Variants in ERAP1 observed in about 807,000 individuals in gnomAD.
ERAP1 encodes the protein adipocyte-derived leucine aminopeptidase.
In ERAP1, 86 loss-of-function variants were observed where a neutral mutation model predicts 103.7. The ratio of observed to expected loss-of-function variants is 0.83; its 90% CI spans 0.70 to 0.99. The LOEUF (loss-of-function observed/expected upper bound fraction) is 0.99, where lower values mean the gene tolerates loss of function less well. Among genes scored for constraint, ERAP1 ranks in the 50% least tolerant of loss-of-function variants. The probability of loss-of-function intolerance (pLI) is 0.00; values close to 1 mark genes in which losing one functional copy is unlikely to be tolerated. For missense variants in ERAP1, 1,009 were observed against 1,128.4 expected (o/e 0.89, Z 1.52); for synonymous variants, 398 against 402.4 (o/e 0.99, Z 0.13).
At chr5:96,849,888 A>G in the ERAP1 span, among the ~76,000 whole-genome samples, 2 of 152,304 alleles carry the variant, frequency 1.3e-5, no homozygotes, top group South Asian at 2.1e-4. Context: ...TCAAAACAGC[A>G]TGGTACTGGC....
intron 8 of ERAP1, among the ~76,000 whole-genome samples, chr5:96,790,893 C>T (rs749111768): frequency 6.6e-6 from 1 of 152,162 alleles, no homozygotes; most frequent in African/African-American, 2.4e-5. Flanking sequence ...CCAGACCTCC[C>T]GATGGGGCAA....
At chr5:96,875,369 T>C in the ERAP1 span, among the ~76,000 whole-genome samples, 1 of 147,220 alleles carries the variant, frequency 6.8e-6, no homozygotes, top group Non-Finnish European at 1.5e-5. Context: ...ACCTCATCTA[T>C]AAAAAAAAAA....
chr5:96,881,327 T>C, the ERAP1 span: 14 of 439,206 alleles, frequency 3.2e-5, no homozygotes, highest in Non-Finnish European at 6.4e-5. Flanking sequence ...GCAGTGCTTA[T>C]GGAGTGAAAC....
chr5:96,891,565 T>TATATGGTACACACAC, the ERAP1 span, among the ~76,000 whole-genome samples: 2 of 141,964 alleles, frequency 1.4e-5, no homozygotes, highest in Non-Finnish European at 3.1e-5. Context: ...CACACACACA[T>TATATGGTACACACAC]ATATGGTACA....
At chr5:96,807,361 G>GTTAACCCATA (rs1778747704) in intron 1 of ERAP1, among the ~76,000 whole-genome samples, 1 of 152,182 alleles carries the variant, frequency 6.6e-6, no homozygotes, top group East Asian at 1.9e-4. Context: ...AAAGCCTCTG[G>GTTAACCCATA]GTTTCTCTAG....
chr5:96,842,861 T>C, the ERAP1 span, among the ~76,000 whole-genome samples: 1 of 152,236 alleles, frequency 6.6e-6, no homozygotes, highest in Non-Finnish European at 1.5e-5. Flanking sequence ...CCTAAGCCAA[T>C]GTCTAGAAGG....
At chr5:96,879,785 A>G in the ERAP1 span, 1 of 1,614,178 alleles carries the variant, frequency 6.2e-7, no homozygotes, top group South Asian at 1.1e-5. Context: ...CCAAATATGC[A>G]TTTGTTCTCA....
At chr5:96,883,423 GAA>G in the ERAP1 span, among the ~76,000 whole-genome samples, 1 of 152,156 alleles carries the variant, frequency 6.6e-6, no homozygotes, top group Admixed American at 6.5e-5. Flanking sequence ...AGACAATACT[GAA>G]CATTTAATTT....
At chr5:96,913,980 GT>G in the ERAP1 span, among the ~76,000 whole-genome samples, 2 of 152,172 alleles carry the variant, frequency 1.3e-5, no homozygotes, top group Non-Finnish European at 2.9e-5. Context: ...CCTCCAAATT[GT>G]TTTGGTTCTG....
At chr5:96,836,131 C>T in the ERAP1 span, among the ~76,000 whole-genome samples, 1 of 148,258 alleles carries the variant, frequency 6.7e-6, no homozygotes, top group Admixed American at 6.7e-5. Context: ...CTTCAATGAC[C>T]GGAAAACAAA....
the ERAP1 span, chr5:96,915,844 A>T: frequency 1.6e-6 from 2 of 1,276,060 alleles, no homozygotes; most frequent in Admixed American, 2.1e-5. Flanking sequence ...CTTAGATATA[A>T]TCTGATTTGA....
the ERAP1 span, chr5:96,918,143 T>C: frequency 3.3e-5 from 5 of 152,352 alleles, no homozygotes; most frequent in African/African-American, 4.8e-5. Context: ...GGAAGGCCAG[T>C]TCAGTATCCT....
the ERAP1 span, among the ~76,000 whole-genome samples, chr5:96,831,816 C>T: frequency 6.6e-6 from 1 of 152,240 alleles, no homozygotes; most frequent in Non-Finnish European, 1.5e-5. Flanking sequence ...TTCCCTCTTT[C>T]CATTTCTCTA....
intron 18 of ERAP1, among the ~76,000 whole-genome samples, chr5:96,779,983 G>T (rs1774917661): frequency 1.3e-5 from 2 of 152,130 alleles, no homozygotes; most frequent in African/African-American, 2.4e-5. Flanking sequence ...GGATCTTAAA[G>T]CTGCCTGAAA....
rs761031155 is a variant in ERAP1 at position 96,781,739 on chromosome 5, T to C, written c.2401A>G (p.Ile801Val). The C allele has an allele frequency of 8.1e-6, 13 of 1,614,230 alleles. No homozygotes were observed. The highest frequency in any genetic ancestry group is 1.6e-4 in the Middle Eastern group (1 of 6,062). Reference sequence around the variant, plus strand: ...TGGGTTCTGCAGAGGGCAAATTCAATTTGGCTTTTCTCAGTACTGGACAAA... The same window carrying C: ...TGGGTTCTGCAGAGGGCAAATTCAACTTGGCTTTTCTCAGTACTGGACAAA... ...FSLSSTEKSQ[I>V]EFALCRTQNK... The change falls in exon 16 of 19, where the codon ATT becomes GTT. Residue 801 changes from isoleucine (I) to valine (V), a missense_variant. Around this residue, in one of 3 missense-constraint regions of ERAP1, gnomAD observed 611 missense variants for 651.7 expected, o/e 0.94. Transcript: ENST00000443439.
chr5:96,867,113 T>C, the ERAP1 span, among the ~76,000 whole-genome samples: 1 of 151,888 alleles, frequency 6.6e-6, no homozygotes, highest in Admixed American at 6.6e-5. Context: ...TTCAAGTGAT[T>C]CTCCTGCCTC....
chr5:96,813,648 C>A, the ERAP1 span, among the ~76,000 whole-genome samples: 1 of 18,908 alleles, frequency 5.3e-5, no homozygotes, highest in African/African-American at 1.8e-4. Flanking sequence ...CAAGACTCAT[C>A]TCAAAAAAAA....
At chr5:96,893,757 C>T in the ERAP1 span, among the ~76,000 whole-genome samples, 2 of 152,158 alleles carry the variant, frequency 1.3e-5, no homozygotes, top group African/African-American at 2.4e-5. Context: ...CTGTGCATAA[C>T]CCTGGCAAAG....
chr5:96,914,680 T>A, the ERAP1 span, among the ~76,000 whole-genome samples: 1 of 152,202 alleles, frequency 6.6e-6, no homozygotes, highest in Non-Finnish European at 1.5e-5. Context: ...TCAACATGAA[T>A]CACTTTGACC....
Sources: gnomAD v4.1 joint callset for allele counts (sites outside exome capture counted in the v4.1 genomes callset) on GRCh38, gnomAD v4.1.1 for gene constraint, gnomAD v4.1.1 regional missense constraint, MANE v1.5 for transcripts, NCBI Gene and HGNC (gene_info 2026-07-23, HGNC 2026-07-21) for gene names.